Variants in ASIC2 observed in about 807,000 individuals in gnomAD.
The protein encoded by ASIC2 is acid-sensing ion channel 2.
A neutral mutation model predicts 57.3 loss-of-function variants in ASIC2; 25 were observed. That is an observed-to-expected ratio of 0.44 (90% CI 0.32 to 0.61). The LOEUF is 0.61. Ranked by LOEUF, ASIC2 falls within the 20% of genes least tolerant of loss-of-function variation. ASIC2 has a pLI of 0.06. For missense variants in ASIC2, 641 were observed against 738.1 expected (o/e 0.87, Z 1.52); for synonymous variants, 319 against 307.5 (o/e 1.04, Z -0.39).
chr17:33,238,626 A>G (rs890563995), intron 1 of ASIC2, among the ~76,000 whole-genome samples: 11 of 152,204 alleles, frequency 7.2e-5, no homozygotes, highest in Admixed American at 7.2e-4. Context: ...TGCTGAACAC[A>G]CCGGGCCCAC....
intron 1 of ASIC2, among the ~76,000 whole-genome samples, chr17:33,699,437 C>T (rs569585929): frequency 5.9e-5 from 9 of 152,272 alleles, no homozygotes; most frequent in Non-Finnish European, 8.8e-5. Context: ...CAGTCCAGGA[C>T]GACTTTGGGA....
intron 1 of ASIC2, among the ~76,000 whole-genome samples, chr17:34,055,457 G>T (rs1483779165): frequency 6.6e-6 from 1 of 151,848 alleles, no homozygotes; most frequent in Non-Finnish European, 1.5e-5. Flanking sequence ...ACAATAAAAT[G>T]TACAAATCCT....
chr17:33,185,472 G>A (rs1013706749), intron 1 of ASIC2, among the ~76,000 whole-genome samples: 2 of 152,220 alleles, frequency 1.3e-5, no homozygotes, highest in African/African-American at 2.4e-5. Flanking sequence ...AATGCTCCCC[G>A]AGAGAAGAGA....
chr17:33,375,125 G>A (rs554850310), intron 1 of ASIC2, among the ~76,000 whole-genome samples: 9 of 152,304 alleles, frequency 5.9e-5, no homozygotes, highest in African/African-American at 2.2e-4. Flanking sequence ...GTCAGAGGAT[G>A]ATAAGTGTTA....
chr17:33,693,131 G>C (rs1002523482), intron 1 of ASIC2, among the ~76,000 whole-genome samples: 3 of 152,002 alleles, frequency 2.0e-5, no homozygotes, highest in Admixed American at 2.0e-4. Context: ...TCATGTATTT[G>C]GTTTGATTTG....
intron 1 of ASIC2, among the ~76,000 whole-genome samples, chr17:33,961,824 A>C (rs539554284): frequency 6.6e-6 from 1 of 152,292 alleles, no homozygotes; most frequent in East Asian, 1.9e-4. Flanking sequence ...TCAGAACCCA[A>C]CATTGCTCTC....
At chr17:33,570,196 AAATTT>A (rs1481237453) in intron 1 of ASIC2, among the ~76,000 whole-genome samples, 1 of 152,214 alleles carries the variant, frequency 6.6e-6, no homozygotes, top group African/African-American at 2.4e-5. Context: ...TTGTGTCCTT[AAATTT>A]ATCTTTTTAT....
rs751735036 is a variant in ASIC2 at position 33,111,992 on chromosome 17, C to A, written c.784G>T (p.Gly262Trp). The A allele has an allele frequency of 3.1e-6, 5 of 1,613,962 alleles. No homozygotes were observed. The highest frequency in any genetic ancestry group is 2.2e-5 in the East Asian group (1 of 44,868). Residue 262 changes from glycine to tryptophan, a missense_variant, in exon 2 of 10, where the codon GGG becomes TGG. By Grantham distance (184) the Gly-to-Trp change is radical (BLOSUM62 -2). This residue lies in a region of ASIC2 where 382 missense variants were observed against 398.0 expected (regional missense o/e 0.96). Coordinates refer to ENST00000225823, the MANE Select transcript of ASIC2 (RefSeq NM_183377.2). ...DGKPLLTTVKGGTGNGLEIML... is the reference protein window; with the variant it reads ...DGKPLLTTVKWGTGNGLEIML... ...ATCTCCAGCCCGTTGCCTGTCCCCC[C>A]CTTGACCGTGGTGAGCAGAGGTTTG...
At chr17:33,301,528 A>G (rs1905958761) in intron 1 of ASIC2, among the ~76,000 whole-genome samples, 1 of 152,170 alleles carries the variant, frequency 6.6e-6, no homozygotes, top group Admixed American at 6.5e-5. Flanking sequence ...AGCTGAAAGT[A>G]ATGACTATAG....
At chr17:33,207,851 G>A (rs1206373175) in intron 1 of ASIC2, among the ~76,000 whole-genome samples, 1 of 152,172 alleles carries the variant, frequency 6.6e-6, no homozygotes, top group Non-Finnish European at 1.5e-5. Flanking sequence ...CTGGCTCCTG[G>A]AGATCCCAGT....
At chr17:34,098,886 T>A (rs950024656) in intron 1 of ASIC2, among the ~76,000 whole-genome samples, 1 of 152,026 alleles carries the variant, frequency 6.6e-6, no homozygotes, top group Admixed American at 6.6e-5. Flanking sequence ...ACAGAGGAGA[T>A]GACTAATAAG....
intron 1 of ASIC2, among the ~76,000 whole-genome samples, chr17:33,273,232 A>C (rs1384153646): frequency 6.6e-6 from 1 of 152,236 alleles, no homozygotes; most frequent in Non-Finnish European, 1.5e-5. Flanking sequence ...AAAAAAATAG[A>C]TTACTAGTGA....
chr17:33,435,748 T>C (rs899993879), intron 1 of ASIC2, among the ~76,000 whole-genome samples: 10 of 152,332 alleles, frequency 6.6e-5, no homozygotes, highest in Admixed American at 6.5e-4. Flanking sequence ...TAACAAATTA[T>C]TGAATCTAGG....
At chr17:33,082,572 G>A (rs776095849) in intron 3 of ASIC2, among the ~76,000 whole-genome samples, 5 of 152,110 alleles carry the variant, frequency 3.3e-5, no homozygotes, top group Non-Finnish European at 4.4e-5. Flanking sequence ...GGTGGCACAA[G>A]CCTGTAATTC....
At chr17:33,350,719 T>TAAGAAAGAAAGAAAGAAAGAAAG (rs1908135676) in intron 1 of ASIC2, among the ~76,000 whole-genome samples, 1 of 101,304 alleles carries the variant, frequency 9.9e-6, no homozygotes, top group African/African-American at 6.1e-5. Context: ...AAGAAATATT[T>TAAGAAAGAAAGAAAGAAAGAAAG]AACCACTAAC....
intron 1 of ASIC2, among the ~76,000 whole-genome samples, chr17:33,506,128 C>G (rs554566904): frequency 8.6e-5 from 13 of 151,690 alleles, no homozygotes; most frequent in South Asian, 2.1e-4. Context: ...GGTGTGGTGG[C>G]TCACGCCTGT....
At chr17:33,508,730 G>T (rs1914342194) in intron 1 of ASIC2, among the ~76,000 whole-genome samples, 1 of 152,208 alleles carries the variant, frequency 6.6e-6, no homozygotes, top group African/African-American at 2.4e-5. Context: ...AGCTGCTCCA[G>T]GCTGCCTTCA....
chr17:33,921,528 A>G (rs908190813), intron 1 of ASIC2, among the ~76,000 whole-genome samples: 7 of 152,088 alleles, frequency 4.6e-5, no homozygotes, highest in African/African-American at 1.7e-4. Flanking sequence ...GGGACATGGG[A>G]CAGAAGGCAA....
At chr17:34,104,000 T>A (rs947490449) in intron 1 of ASIC2, among the ~76,000 whole-genome samples, 5 of 152,286 alleles carry the variant, frequency 3.3e-5, no homozygotes, top group Admixed American at 6.5e-5. Context: ...AAAAGCCTTA[T>A]GGAGTTTTGA....
Sources: gnomAD v4.1 joint callset for allele counts (sites outside exome capture counted in the v4.1 genomes callset) on GRCh38, gnomAD v4.1.1 for gene constraint, gnomAD v4.1.1 regional missense constraint, MANE v1.5 for transcripts, NCBI Gene and HGNC (gene_info 2026-07-23, HGNC 2026-07-21) for gene names.